Variants in ADGRL1 observed in about 807,000 individuals in gnomAD.
ADGRL1 encodes the protein adhesion G protein-coupled receptor L1, also known as CIRL-1.
A neutral mutation model predicts 148.9 loss-of-function variants in ADGRL1; 31 were observed. The observed-to-expected ratio is 0.21, with a 90% CI of 0.16 to 0.28. The LOEUF (loss-of-function observed/expected upper bound fraction) is 0.28, where lower values mean the gene tolerates loss of function less well. Ranked by LOEUF, ADGRL1 falls within the 10% of genes least tolerant of loss-of-function variation. The pLI, the probability that ADGRL1 is intolerant of heterozygous loss-of-function variation, is 1.00. For synonymous variants in ADGRL1, 937 were observed against 900.3 expected, an observed-to-expected ratio of 1.04 and a Z score of -0.73; for missense variants, 1,521 against 2,058.8, an observed-to-expected ratio of 0.74 and a Z score of 5.05.
At chr19:14,173,870 C>T (rs900377959) in intron 3 of ADGRL1, among the ~76,000 whole-genome samples, 2 of 144,716 alleles carry the variant, frequency 1.4e-5, no homozygotes, top group African/African-American at 2.6e-5. Context: ...CTGTTTGAAC[C>T]GGAAAGCGGA....
rs2144568756 is a variant in ADGRL1, at chr19:14,149,796, G to A, written c.*1077C>T. On this transcript the variant is annotated 3_prime_UTR_variant, in exon 23 of 23. Coordinates refer to ENST00000361434, the MANE Select transcript of ADGRL1 (RefSeq NM_014921.5). ...GGCCCGCCCGCCCCGGCGGGGACTG[G>A]GGATGCACGTACACGGAGAAGTCCT... The A allele has an allele frequency of 6.6e-6, 1 of 152,548 alleles. No individual in the cohort carries two copies. The highest frequency in any genetic ancestry group is 6.5e-5 in the Admixed American group (1 of 15,292). 9.4% of individuals were successfully genotyped at this position (152,548 alleles called of 1,614,324 possible).
In ADGRL1 at chr19:14,159,480, G is replaced by A. The variant is rs1217444156; in HGVS notation, c.1944C>T (p.Asp648=). Residue 648 remains aspartate (D), a synonymous_variant, in exon 10 of 23, where the codon GAC becomes GAT. Coordinates refer to ENST00000361434, the MANE Select transcript of ADGRL1 (RefSeq NM_014921.5). This position sits in a 1 kb window ranked among gnomAD's most constrained non-coding sequence, Gnocchi z 6.0. ...GCAGGAAGGCGCCCTCCTCCAGGAC[G>A]TCGAGGAGCATGGTGGCCGTGTGCA... ...EQVHTATMLL[D]VLEEGAFLLA... is the part of the protein sequence containing the mutation. The A allele has an allele frequency of 1.1e-5, 18 of 1,613,402 alleles. No homozygotes were observed. The highest frequency in any genetic ancestry group is 2.2e-5 in the East Asian group (1 of 44,858).
chr19:14,195,668 C>T (rs3932835), intron 1 of ADGRL1, among the ~76,000 whole-genome samples: 115,345 of 152,122 alleles, frequency 0.76, 44,574 homozygotes, highest in African/African-American at 0.92. Context: ...ATAAGGAAGC[C>T]GCAGGCCCTG....
In ADGRL1 at chr19:14,157,344, C is replaced by T. The variant is rs1386060289; in HGVS notation, c.2652G>A (p.Gln884=). Residue 884 remains glutamine (Q), a synonymous_variant, in exon 14 of 23, where the codon CAG becomes CAA. Coordinates refer to ENST00000361434, the MANE Select transcript of ADGRL1 (RefSeq NM_014921.5). The surrounding 1 kb of genome is among the most constrained non-coding windows in gnomAD (Gnocchi z 7.5). ...ISTFCFLRGL[Q]TDRNTIHKNL... is the part of the protein sequence containing the mutation. ...TCTTGTGGATGGTGTTGCGGTCGGT[C>T]TGCAGCCCCCGCAGGAAGCAGAAGG... 3.7e-6 allele frequency: 6 copies of T among 1,614,216 alleles called. No individual in the cohort carries two copies. The highest frequency in any genetic ancestry group is 5.1e-6 in the Non-Finnish European group (6 of 1,180,028).
Position 14,152,524 on chromosome 19 carries a change from C to T in ADGRL1, c.3513G>A (p.Leu1171=), listed in dbSNP as rs767381960. 28 of 1,613,948 alleles carry T rather than the reference C, an allele frequency of 1.7e-5. No homozygotes were observed. Among genetic ancestry groups the T allele is most frequent in the Non-Finnish European group, 2.2e-5 (26 of 1,179,942 alleles). The change falls in exon 20 of 23, where the codon CTG becomes CTA. Residue 1171 remains leucine (L), a synonymous_variant. Transcript: ENST00000361434. This position sits in a 1 kb window ranked among gnomAD's most constrained non-coding sequence, Gnocchi z 6.1. The stretch of plus-strand genomic sequence containing the variant: ...AGAAGGATGCCTTCTCACCTCGGTT[C>T]AGGGTGGGGGTGCTGTTGATGTCAC... ...MAGDINSTPT[L]NRGTMGNHLL...
At chr19:14,168,128 C>T (rs963168835) in intron 4 of ADGRL1, among the ~76,000 whole-genome samples, 1 of 152,048 alleles carries the variant, frequency 6.6e-6, no homozygotes, top group Non-Finnish European at 1.5e-5. Context: ...CTGCCCAGGC[C>T]GCTCCCCCTC....
At chr19:14,169,658 G>A (rs1970301385) in intron 4 of ADGRL1, 1 of 152,170 alleles carries the variant, frequency 6.6e-6, no homozygotes, top group African/African-American at 2.4e-5. Context: ...GGGGTGGGAG[G>A]GGAGAGGAGG....
intron 4 of ADGRL1, 45 bp from the exon 5 acceptor site, chr19:14,163,451 A>T: frequency 8.6e-7 from 1 of 1,159,758 alleles, no homozygotes; most frequent in South Asian, 1.4e-5. Flanking sequence ...GAGAAGGGGC[A>T]GAGGCGAGAG....
Position 14,155,259 on chromosome 19 carries a change from A to G in ADGRL1, c.3294+100T>C. On this transcript the variant is annotated intron_variant, in intron 18 of 22. Transcript: ENST00000361434. The surrounding 1 kb of genome is among the most constrained non-coding windows in gnomAD (Gnocchi z 5.0). ...CCCTGCAGCACTCACTGGGGGCTTG[A>G]GGGAGCCCCTGAGTCCCCTCCACCC... 1 of 1,362,834 alleles carries G rather than the reference A, an allele frequency of 7.3e-7. No individual in the cohort carries two copies. The highest frequency in any genetic ancestry group is 1.0e-6 in the Non-Finnish European group (1 of 985,642). 84.4% of individuals were successfully genotyped at this position (1,362,834 alleles called of 1,614,324 possible).
intron 4 of ADGRL1, chr19:14,169,540 G>A (rs1432006594): frequency 6.6e-6 from 1 of 152,360 alleles, no homozygotes; most frequent in Non-Finnish European, 1.5e-5. Flanking sequence ...AGCGCTGAAA[G>A]GAAAGGACGA....
chr19:14,175,569 C>T (rs1970767140), intron 3 of ADGRL1, among the ~76,000 whole-genome samples: 1 of 152,060 alleles, frequency 6.6e-6, no homozygotes, highest in Admixed American at 6.6e-5. Context: ...CACACACATC[C>T]ACCCACCCAG....
Position 14,162,309 on chromosome 19 carries a change from T to A in ADGRL1, c.1195+297A>T, listed in dbSNP as rs1969476520. On this transcript the variant is annotated intron_variant, in intron 5 of 22. Coordinates refer to ENST00000361434, the MANE Select transcript of ADGRL1 (RefSeq NM_014921.5). The surrounding 1 kb of genome is among the most constrained non-coding windows in gnomAD (Gnocchi z 5.4). ...AGGCCCCTGGGAGAGGCACTGCAGTTCAGTGGTTGGGAGGCTGGGTTCAAA... is the reference window on the plus strand; with the variant it reads ...AGGCCCCTGGGAGAGGCACTGCAGTACAGTGGTTGGGAGGCTGGGTTCAAA... 6.6e-6 allele frequency among the ~76,000 whole-genome samples: 1 copy of A among 152,142 alleles called. No homozygotes were observed.
At chr19:14,164,209 C>T (rs1969729189) in intron 4 of ADGRL1, among the ~76,000 whole-genome samples, 1 of 152,090 alleles carries the variant, frequency 6.6e-6, no homozygotes, top group Non-Finnish European at 1.5e-5. Flanking sequence ...GCGCCCAGCC[C>T]TGCCCCCAGC....
intron 1 of ADGRL1, among the ~76,000 whole-genome samples, chr19:14,184,059 A>C (rs1459679663): frequency 1.3e-5 from 2 of 152,106 alleles, no homozygotes; most frequent in African/African-American, 2.4e-5. Context: ...CCTCACCATG[A>C]GCAAGGAGGT....
rs1160235625 is a variant in ADGRL1, at chr19:14,160,686, G to A, written c.1521C>T (p.Ser507=). The change falls in exon 7 of 23, where the codon TCC becomes TCT. Residue 507 remains serine (S), a synonymous_variant. Coordinates refer to ENST00000361434, the MANE Select transcript of ADGRL1 (RefSeq NM_014921.5). The surrounding 1 kb of genome is among the most constrained non-coding windows in gnomAD (Gnocchi z 5.9). ...GCCCCAAGGCTGGTAGACACTGGAA[G>A]GAGGCAATTCCTGCAGGGACAGACA... ...PCPKGTRGIA[S]FQCLPALGLW... is the part of the protein sequence containing the mutation. 2 of 1,608,780 alleles carry A rather than the reference G, an allele frequency of 1.2e-6. No individual in the cohort carries two copies. The highest frequency in any genetic ancestry group is 2.7e-5 in the African/African-American group (2 of 74,838).
chr19:14,184,646 A>ATTTATTT (rs1555790748), intron 1 of ADGRL1, among the ~76,000 whole-genome samples: 1 of 97,732 alleles, frequency 1.0e-5, no homozygotes, highest in African/African-American at 4.2e-5. Context: ...TTATTTATTT[A>ATTTATTT]TTTTTTTTTC....
chr19:14,167,047 AAGAG>A (rs770781314), intron 4 of ADGRL1: 7 of 1,604,930 alleles, frequency 4.4e-6, no homozygotes, highest in East Asian at 2.2e-5. Flanking sequence ...TAAGCATCGG[AAGAG>A]AGAGAGAAAA....
At chr19:14,190,478 G>C (rs905476733) in intron 1 of ADGRL1, among the ~76,000 whole-genome samples, 10 of 152,082 alleles carry the variant, frequency 6.6e-5, no homozygotes, top group African/African-American at 2.4e-4. Flanking sequence ...TGTTGTTCAG[G>C]CTGGCCTTGC....
intron 3 of ADGRL1, among the ~76,000 whole-genome samples, chr19:14,174,200 T>C (rs1473516616): frequency 6.6e-6 from 1 of 152,040 alleles, no homozygotes; most frequent in Non-Finnish European, 1.5e-5. Flanking sequence ...AAAGCTGGTG[T>C]TGAATGAAGT....
Sources: allele counts gnomAD v4.1 joint callset (sites outside exome capture counted in the v4.1 genomes callset), GRCh38; gene constraint gnomAD v4.1.1; non-coding constraint Gnocchi (gnomAD v3.1); transcripts MANE v1.5; gene names NCBI Gene and HGNC (gene_info 2026-07-23, HGNC 2026-07-21).